Variants in TNIK observed in about 807,000 individuals in gnomAD.
The protein encoded by TNIK is TRAF2 and NCK-interacting protein kinase.
Under a neutral mutation model 191.3 loss-of-function variants are expected in TNIK, and 49 were observed. The observed-to-expected ratio is 0.26, with a 90% CI of 0.20 to 0.32. The LOEUF is 0.32. Among genes scored for constraint, TNIK ranks in the 10% least tolerant of loss-of-function variants. The pLI is 1.00. For missense variants in TNIK, 1,155 were observed against 1,702.3 expected, an observed-to-expected ratio of 0.68 and a Z score of 5.66; for synonymous variants, 594 against 600.9, an observed-to-expected ratio of 0.99 and a Z score of 0.17.
chr3:171,066,413 G>A, intron 31 of TNIK, 87 bp from the exon 32 acceptor site: 4 of 1,434,636 alleles, frequency 2.8e-6, no homozygotes, highest in African/African-American at 2.9e-5. Flanking sequence ...CCACAAAAAT[G>A]ACAAACGACT....
intron 21 of TNIK, among the ~76,000 whole-genome samples, chr3:171,103,926 A>G (rs894585356): frequency 1.3e-5 from 2 of 152,102 alleles, no homozygotes; most frequent in Admixed American, 6.5e-5. Flanking sequence ...TTCACTTGTT[A>G]AAATGACATA....
intron 2 of TNIK, among the ~76,000 whole-genome samples, chr3:171,235,446 C>T (rs1744147878): frequency 1.3e-5 from 2 of 152,276 alleles, no homozygotes; most frequent in African/African-American, 4.8e-5. Context: ...ACTCTTCAGC[C>T]TCTCCAAATA....
chr3:171,174,865 T>C (rs1176938373), intron 9 of TNIK, among the ~76,000 whole-genome samples: 1 of 152,180 alleles, frequency 6.6e-6, no homozygotes, highest in Non-Finnish European at 1.5e-5. Flanking sequence ...GGAATGATTG[T>C]TGTAAGGAAT....
intron 2 of TNIK, among the ~76,000 whole-genome samples, chr3:171,359,507 T>C (rs2108464097): frequency 6.6e-6 from 1 of 152,262 alleles, no homozygotes; most frequent in South Asian, 2.1e-4. Flanking sequence ...ACACAGTAGT[T>C]CTGTGCTTCT....
At chr3:171,075,936 C>A (rs1328378409) in intron 28 of TNIK, among the ~76,000 whole-genome samples, 1 of 152,118 alleles carries the variant, frequency 6.6e-6, no homozygotes, top group Admixed American at 6.5e-5. Flanking sequence ...CAGGGTTTCA[C>A]TATGTTGGCC....
intron 1 of TNIK, among the ~76,000 whole-genome samples, chr3:171,430,872 T>A (rs915923046): frequency 6.6e-6 from 1 of 152,118 alleles, no homozygotes; most frequent in South Asian, 2.1e-4. Flanking sequence ...TACACCTTCA[T>A]GGTGAATACA....
intron 2 of TNIK, among the ~76,000 whole-genome samples, chr3:171,325,146 A>T (rs9855285): frequency 0.62 from 94,618 of 151,860 alleles, 30,005 homozygotes; most frequent in East Asian, 0.73. Context: ...AAGAACTCAG[A>T]TTGGCTGGTG....
At chr3:171,377,139 C>T (rs736102) in intron 1 of TNIK, among the ~76,000 whole-genome samples, 58,702 of 152,090 alleles carry the variant, frequency 0.39, 13,119 homozygotes, top group East Asian at 0.87. Context: ...TCCGATAGAG[C>T]TGTTCCTGGC....
chr3:171,207,416 C>T (rs146516817), intron 4 of TNIK, among the ~76,000 whole-genome samples: 127 of 151,960 alleles, frequency 8.4e-4, no homozygotes, highest in African/African-American at 3.0e-3. Flanking sequence ...CCACGCTGGT[C>T]TCAGACTCTT....
intron 2 of TNIK, among the ~76,000 whole-genome samples, chr3:171,231,647 G>A (rs1292586331): frequency 2.6e-5 from 4 of 152,186 alleles, no homozygotes; most frequent in Non-Finnish European, 4.4e-5. Context: ...TCTATCCCCA[G>A]AGAACATCAG....
chr3:171,405,236 T>C (rs1417571987), intron 1 of TNIK, among the ~76,000 whole-genome samples: 1 of 152,026 alleles, frequency 6.6e-6, no homozygotes, highest in African/African-American at 2.4e-5. Context: ...AACTAAGAAA[T>C]AAACCCCCCA....
intron 2 of TNIK, among the ~76,000 whole-genome samples, chr3:171,298,260 C>A (rs1023114689): frequency 6.6e-6 from 1 of 152,160 alleles, no homozygotes; most frequent in African/African-American, 2.4e-5. Context: ...TATGCCCCTT[C>A]CCCCAAACCT....
chr3:171,345,040 A>G (rs929355559), intron 2 of TNIK, among the ~76,000 whole-genome samples: 2 of 152,144 alleles, frequency 1.3e-5, no homozygotes, highest in African/African-American at 4.8e-5. Flanking sequence ...CTCATGGCCT[A>G]GAGCACACAG....
chr3:171,206,300 CAAAT>C (rs1210953439), intron 4 of TNIK, among the ~76,000 whole-genome samples: 2 of 137,700 alleles, frequency 1.5e-5, no homozygotes, highest in African/African-American at 2.6e-5. Context: ...TACACACAGA[CAAAT>C]AAATGAATAT....
At chr3:171,071,468 G>T in intron 28 of TNIK, 145 bp from the exon 29 acceptor site, 1 of 676,434 alleles carries the variant, frequency 1.5e-6, no homozygotes, top group Non-Finnish European at 2.4e-6. Flanking sequence ...TCCTGGTGTG[G>T]GATTTTTTCA....
chr3:171,112,676 GC>G (rs1410522426), intron 18 of TNIK, among the ~76,000 whole-genome samples: 1 of 151,292 alleles, frequency 6.6e-6, no homozygotes, highest in Non-Finnish European at 1.5e-5. Flanking sequence ...GAAGCATACT[GC>G]ATATTCAGTT....
At chr3:171,333,418 G>T (rs975212413) in intron 2 of TNIK, among the ~76,000 whole-genome samples, 3 of 151,720 alleles carry the variant, frequency 2.0e-5, no homozygotes, top group South Asian at 2.1e-4. Context: ...TTAGCCGGAC[G>T]TGGTGGCAGC....
At chr3:171,118,653 A>T (rs1319408157) in intron 18 of TNIK, among the ~76,000 whole-genome samples, 2 of 152,222 alleles carry the variant, frequency 1.3e-5, no homozygotes, top group African/African-American at 4.8e-5. Flanking sequence ...TAACTATCTG[A>T]TCTTTGATAA....
Position 171,122,217 on chromosome 3 carries a change from G to T in TNIK, c.2120+1379C>A, listed in dbSNP as rs542940003. Among the ~76,000 whole-genome samples, 4 of 152,324 alleles carry T rather than the reference G, an allele frequency of 2.6e-5. No homozygotes were observed. In the South Asian group the frequency reaches 8.3e-4, roughly 32 times the overall value. Reference sequence around the variant, plus strand: ...AAGTTGAAATAATACTTGATCTAAAGAAACTAAAATTCTAAGCAACCGATC... The same window carrying T: ...AAGTTGAAATAATACTTGATCTAAATAAACTAAAATTCTAAGCAACCGATC... On this transcript the variant is annotated intron_variant, in intron 18 of 32. Coordinates refer to ENST00000436636, the MANE Select transcript of TNIK (RefSeq NM_015028.4).
Sources: allele counts gnomAD v4.1 joint callset (sites outside exome capture counted in the v4.1 genomes callset), GRCh38; gene constraint gnomAD v4.1.1; transcripts MANE v1.5; gene names NCBI Gene and HGNC (gene_info 2026-07-23, HGNC 2026-07-21).